ANXA4: variants seen among roughly 807,000 people sequenced by gnomAD.
ANXA4 encodes the protein annexin A4.
A neutral mutation model predicts 49.8 loss-of-function variants in ANXA4; 39 were observed. The observed-to-expected ratio is 0.78, with a 90% CI of 0.61 to 1.02. ANXA4 has a LOEUF of 1.02. Among genes scored for constraint, ANXA4 ranks in the 50% least tolerant of loss-of-function variants. The probability of loss-of-function intolerance (pLI) is 0.00; values close to 1 mark genes in which losing one functional copy is unlikely to be tolerated. For synonymous variants in ANXA4, 134 were observed against 152.5 expected (o/e 0.88, Z 0.89); for missense variants, 360 against 410.1 (o/e 0.88, Z 1.05).
intron 1 of ANXA4, among the ~76,000 whole-genome samples, chr2:69,743,433 G>A (rs541424612): frequency 1.3e-5 from 2 of 152,098 alleles, no homozygotes; most frequent in Non-Finnish European, 2.9e-5. Flanking sequence ...GGTCAGGCTG[G>A]TCTTGAACTC....
At chr2:69,710,107 C>T (rs188894698) in intron 2 of ANXA4, among the ~76,000 whole-genome samples, 12 of 151,874 alleles carry the variant, frequency 7.9e-5, no homozygotes, top group Middle Eastern at 6.8e-3. Context: ...CCTGCCTCAG[C>T]CTCCCGAGTA....
At chr2:69,674,236 T>C (rs952197189) in intron 2 of ANXA4, 1 of 152,342 alleles carries the variant, frequency 6.6e-6, no homozygotes, top group East Asian at 1.9e-4. Flanking sequence ...CTGGCCCGTT[T>C]GCAGGAAGCT....
chr2:69,800,061 CT>C (rs571253432), intron 3 of ANXA4, among the ~76,000 whole-genome samples: 9,543 of 152,134 alleles, frequency 0.063, 804 homozygotes, highest in Admixed American at 0.21. Context: ...GGTCTCAGAA[CT>C]ATTAAGTGGT....
chr2:69,798,343 T>C (rs1673034261), intron 3 of ANXA4, among the ~76,000 whole-genome samples: 1 of 152,152 alleles, frequency 6.6e-6, no homozygotes, highest in South Asian at 2.1e-4. Context: ...TCCTGCAGCA[T>C]TGCATACAGA....
chr2:69,715,731 G>C (rs12465967), intron 2 of ANXA4, among the ~76,000 whole-genome samples: 30,575 of 152,206 alleles, frequency 0.2, 3,557 homozygotes, highest in East Asian at 0.37. Context: ...AGTCCAAAAT[G>C]TGTTTTGTCC....
At chr2:69,689,912 G>T (rs1677904727) in intron 2 of ANXA4, among the ~76,000 whole-genome samples, 1 of 151,518 alleles carries the variant, frequency 6.6e-6, no homozygotes, top group African/African-American at 2.4e-5. Flanking sequence ...AAAGTTTTAT[G>T]GCATATTCTC....
intron 5 of ANXA4, 94 bp downstream of exon 5, chr2:69,806,592 G>A: frequency 2.0e-6 from 2 of 1,003,942 alleles, no homozygotes; most frequent in Non-Finnish European, 3.1e-6. Context: ...AGACATGGAA[G>A]CAACCTAAAC....
intron 2 of ANXA4, among the ~76,000 whole-genome samples, chr2:69,701,876 TTTTC>T (rs1352079958): frequency 6.6e-5 from 10 of 152,196 alleles, no homozygotes; most frequent in African/African-American, 1.9e-4. Context: ...TGGGCTTTCT[TTTTC>T]TTAGTAATTT....
chr2:69,711,931 T>C (rs773799907), intron 2 of ANXA4, among the ~76,000 whole-genome samples: 4 of 152,098 alleles, frequency 2.6e-5, no homozygotes, highest in Non-Finnish European at 5.9e-5. Context: ...GGGTCTCTAC[T>C]GCAGCAAAAA....
chr2:69,713,788 C>G (rs1277062817), intron 2 of ANXA4: 3 of 152,198 alleles, frequency 2.0e-5, no homozygotes, highest in Non-Finnish European at 4.4e-5. Context: ...GCACCTAACT[C>G]TCTTAACAGT....
chr2:69,810,502 G>C (rs1673650359), intron 6 of ANXA4, 92 bp from the exon 7 acceptor site: 2 of 1,030,470 alleles, frequency 1.9e-6, no homozygotes, highest in South Asian at 1.3e-5. Flanking sequence ...CCATAAGCAG[G>C]CTGGTCTTGA....
intron 9 of ANXA4, 66 bp from the exon 10 acceptor site, chr2:69,818,533 C>T (rs1040309443): frequency 7.8e-6 from 8 of 1,021,202 alleles, no homozygotes; most frequent in African/African-American, 3.3e-5. Flanking sequence ...AATGCTCATT[C>T]TCTCCATAAA....
rs186885587 is a variant in ANXA4, at chr2:69,825,728, G to C, written c.*213G>C. ...TGTACTTGCATTTCAAAGCTTATAA[G>C]ATATAAATGGAGATTTTAAAGTAGA... On this transcript the variant is annotated 3_prime_UTR_variant, in exon 13 of 13. Transcript: ENST00000394295. 5.0e-6 allele frequency: 2 copies of C among 398,850 alleles called. No homozygotes were observed. The highest frequency in any genetic ancestry group is 8.9e-5 in the Admixed American group (2 of 22,572). 24.7% of individuals were successfully genotyped at this position (398,850 alleles called of 1,614,324 possible).
chr2:69,659,700 TGCTTGAGGCCAGGA>T (rs1365939801), intron 2 of ANXA4, among the ~76,000 whole-genome samples: 1 of 152,168 alleles, frequency 6.6e-6, no homozygotes, highest in African/African-American at 2.4e-5. Context: ...GCAGGAGGAT[TGCTTGAGGCCAGGA>T]GCTTGAGACC....
At chr2:69,805,079 C>T (rs1007094078) in intron 4 of ANXA4, among the ~76,000 whole-genome samples, 4 of 122,810 alleles carry the variant, frequency 3.3e-5, no homozygotes, top group Admixed American at 8.2e-5. Flanking sequence ...AAAAGAATAG[C>T]GATTCAGCTC....
intron 1 of ANXA4, among the ~76,000 whole-genome samples, chr2:69,649,603 CTTTTTTTTTTTTT>C (rs766975640): frequency 1.4e-5 from 1 of 70,670 alleles, no homozygotes; most frequent in African/African-American, 6.3e-5. Context: ...GATTTTCTTT[CTTTTTTTTTTTTT>C]TTTTTTTTTT....
intron 1 of ANXA4, among the ~76,000 whole-genome samples, chr2:69,768,179 G>A (rs942324672): frequency 2.6e-5 from 4 of 152,162 alleles, no homozygotes; most frequent in African/African-American, 9.7e-5. Context: ...AAATTATCAT[G>A]TCCAGTCCAC....
chr2:69,718,839 T>G (rs554911068), intron 2 of ANXA4, among the ~76,000 whole-genome samples: 18 of 152,060 alleles, frequency 1.2e-4, no homozygotes, highest in Admixed American at 9.8e-4. Context: ...CACATATACA[T>G]GCACACACAT....
At chr2:69,812,572 C>T in intron 7 of ANXA4, 81 bp from the exon 8 acceptor site, 1 of 1,242,226 alleles carries the variant, frequency 8.1e-7, no homozygotes, top group Non-Finnish European at 1.2e-6. Flanking sequence ...TCTCATTACT[C>T]TAGACCTGCT....
Sources: gnomAD v4.1 joint callset for allele counts (sites outside exome capture counted in the v4.1 genomes callset) on GRCh38, gnomAD v4.1.1 for gene constraint, MANE v1.5 for transcripts, NCBI Gene and HGNC (gene_info 2026-07-23, HGNC 2026-07-21) for gene names.